FARP1: variants seen among roughly 807,000 people sequenced by gnomAD.
The protein encoded by FARP1 is FERM, ARH/RhoGEF and pleckstrin domain protein 1, also known as FERM, ARHGEF and pleckstrin domain-containing protein 1.
Under a neutral mutation model 128.8 loss-of-function variants are expected in FARP1, and 52 were observed. The ratio of observed to expected loss-of-function variants is 0.40; its 90% CI spans 0.32 to 0.51. The LOEUF (loss-of-function observed/expected upper bound fraction) is 0.51. Among genes scored for constraint, FARP1 ranks in the 20% least tolerant of loss-of-function variants. The pLI is 0.45. For missense variants in FARP1, 1,333 were observed against 1,367.9 expected, an observed-to-expected ratio of 0.97 and a Z score of 0.40; for synonymous variants, 580 against 551.8, an observed-to-expected ratio of 1.05 and a Z score of -0.72.
At chr13:98,200,948 C>T (rs1414173675) in intron 1 of FARP1, among the ~76,000 whole-genome samples, 1 of 151,972 alleles carries the variant, frequency 6.6e-6, no homozygotes, top group Non-Finnish European at 1.5e-5. Context: ...TTTTGAGGTA[C>T]ATGTGATATT....
intron 2 of FARP1, chr13:98,332,653 CCTT>C (rs1181450680): frequency 6.6e-6 from 1 of 152,204 alleles, no homozygotes; most frequent in Admixed American, 6.5e-5. Context: ...ATTAAAGTCT[CCTT>C]CTAAGGGGTA....
At chr13:98,217,391 C>T (rs929894674) in intron 2 of FARP1, among the ~76,000 whole-genome samples, 5 of 152,292 alleles carry the variant, frequency 3.3e-5, no homozygotes, top group Non-Finnish European at 7.3e-5. Context: ...GGCAGAAGCC[C>T]AGAAGCCCCC....
At chr13:98,443,837 C>T (rs1394746343) in intron 24 of FARP1, among the ~76,000 whole-genome samples, 2 of 6,928 alleles carry the variant, frequency 2.9e-4, no homozygotes, top group Non-Finnish European at 1.5e-3. Flanking sequence ...AGAGCGCAGA[C>T]AGGACTGGGA....
At chr13:98,330,344 A>G (rs943768677) in intron 2 of FARP1, among the ~76,000 whole-genome samples, 1 of 152,172 alleles carries the variant, frequency 6.6e-6, no homozygotes, top group Admixed American at 6.5e-5. Flanking sequence ...AAAGTAGAAG[A>G]TGATTGTTTC....
At chr13:98,282,040 C>G (rs1324294613) in intron 2 of FARP1, among the ~76,000 whole-genome samples, 1 of 152,184 alleles carries the variant, frequency 6.6e-6, no homozygotes, top group Admixed American at 6.5e-5. Flanking sequence ...CGCAGTGGCT[C>G]ACGCCTATAA....
intron 3 of FARP1, among the ~76,000 whole-genome samples, chr13:98,356,683 G>T (rs1417118643): frequency 6.6e-6 from 1 of 150,932 alleles, no homozygotes; most frequent in African/African-American, 2.4e-5. Context: ...CTGTTGCCCA[G>T]GCTAGAGTGT....
At chr13:98,226,800 G>T (rs539015102) in intron 2 of FARP1, among the ~76,000 whole-genome samples, 9 of 151,890 alleles carry the variant, frequency 5.9e-5, no homozygotes, top group South Asian at 4.2e-4. Context: ...AGAGCGATTG[G>T]TTTTTTTTGT....
chr13:98,238,264 C>T (rs1379592889), intron 2 of FARP1, among the ~76,000 whole-genome samples: 2 of 152,140 alleles, frequency 1.3e-5, no homozygotes, highest in Non-Finnish European at 2.9e-5. Context: ...ACAGCAAGAC[C>T]AACCCCTCCT....
chr13:98,427,013 C>T (rs1031036106), intron 17 of FARP1, among the ~76,000 whole-genome samples: 4 of 152,200 alleles, frequency 2.6e-5, no homozygotes, highest in East Asian at 3.9e-4. Context: ...TTTGCATTGG[C>T]GTGGTGCTCG....
chr13:98,181,664 C>A (rs1878537951), intron 1 of FARP1, among the ~76,000 whole-genome samples: 1 of 144,630 alleles, frequency 6.9e-6, no homozygotes, highest in African/African-American at 2.6e-5. Flanking sequence ...GAGAGAGAGT[C>A]TCACTGTTGC....
chr13:98,294,372 T>A (rs533695773), intron 2 of FARP1, among the ~76,000 whole-genome samples: 1 of 152,342 alleles, frequency 6.6e-6, no homozygotes, highest in East Asian at 1.9e-4. Flanking sequence ...TTGATAAGAA[T>A]GCTCTTATCA....
intron 2 of FARP1, among the ~76,000 whole-genome samples, chr13:98,218,313 C>T (rs751186097): frequency 6.6e-6 from 1 of 152,170 alleles, no homozygotes; most frequent in African/African-American, 2.4e-5. Flanking sequence ...TCCAATCAGA[C>T]CTTGAATCAT....
chr13:98,274,456 G>A (rs1253661322), intron 2 of FARP1, among the ~76,000 whole-genome samples: 1 of 152,104 alleles, frequency 6.6e-6, no homozygotes, highest in East Asian at 1.9e-4. Flanking sequence ...TTGATTAATG[G>A]CAACAACTGC....
At chr13:98,316,542 A>G (rs970478646) in intron 2 of FARP1, among the ~76,000 whole-genome samples, 11 of 152,222 alleles carry the variant, frequency 7.2e-5, no homozygotes, top group African/African-American at 2.4e-4. Flanking sequence ...GGTGAGGCCC[A>G]TTGCCCTGGA....
At chr13:98,236,289 A>C (rs1261357039) in intron 2 of FARP1, among the ~76,000 whole-genome samples, 1 of 152,188 alleles carries the variant, frequency 6.6e-6, no homozygotes, top group African/African-American at 2.4e-5. Context: ...TCTAAGCAGC[A>C]CCTGTATGAA....
intron 2 of FARP1, among the ~76,000 whole-genome samples, chr13:98,272,911 C>T (rs1413228403): frequency 1.3e-5 from 2 of 152,176 alleles, no homozygotes; most frequent in Non-Finnish European, 2.9e-5. Context: ...GCTAGAAGGG[C>T]CCTGGCCACA....
chr13:98,445,573 T>G (rs3752974), intron 24 of FARP1: 1 of 152,334 alleles, frequency 6.6e-6, no homozygotes, highest in African/African-American at 2.4e-5. Flanking sequence ...GTAGGGTGCC[T>G]GGCCCCTCAA....
In FARP1 at chr13:98,385,821, G is replaced by T; in HGVS notation, c.759+7G>T. 6.2e-7 allele frequency: 1 copy of T among 1,613,704 alleles called. No homozygotes were observed. The highest frequency in any genetic ancestry group is 8.5e-7 in the Non-Finnish European group (1 of 1,179,922). Reference sequence around the variant, plus strand: ...GGGAATTCTAGTGTTTCAGGTGAGAGCCTTGAGAACACGGCCTGGTTCCCT... The same window carrying T: ...GGGAATTCTAGTGTTTCAGGTGAGATCCTTGAGAACACGGCCTGGTTCCCT... On this transcript the variant is annotated splice_region_variant and intron_variant, in intron 8 of 26. Transcript: ENST00000319562.
chr13:98,392,012 G>A (rs1890322717), intron 11 of FARP1, among the ~76,000 whole-genome samples: 1 of 152,116 alleles, frequency 6.6e-6, no homozygotes, highest in African/African-American at 2.4e-5. Context: ...ATTAACAGTT[G>A]GACACATTTG....
Sources: gnomAD v4.1 joint callset for allele counts (sites outside exome capture counted in the v4.1 genomes callset) on GRCh38, gnomAD v4.1.1 for gene constraint, MANE v1.5 for transcripts, NCBI Gene and HGNC (gene_info 2026-07-23, HGNC 2026-07-21) for gene names.